The following MYCBP2 variants were observed in gnomAD, a reference collection of about 807,000 sequenced individuals.
MYCBP2 encodes MYC binding protein 2.
Under a neutral mutation model 525.3 loss-of-function variants are expected in MYCBP2, and 120 were observed. The observed-to-expected ratio is 0.23, with a 90% CI of 0.20 to 0.27. MYCBP2 has a LOEUF of 0.27. Among genes scored for constraint, MYCBP2 ranks in the 10% least tolerant of loss-of-function variants. MYCBP2 has a pLI of 1.00. For synonymous variants in MYCBP2, 1,894 were observed against 1,955.8 expected, an observed-to-expected ratio of 0.97 and a Z score of 0.83; for missense variants, 4,149 against 5,657.1, an observed-to-expected ratio of 0.73 and a Z score of 8.55.
chr13:77,160,235 G>A (rs1358558527), intron 44 of MYCBP2, among the ~76,000 whole-genome samples: 1 of 152,008 alleles, frequency 6.6e-6, no homozygotes, highest in Non-Finnish European at 1.5e-5. Context: ...CCCAGCTAAT[G>A]AGACGGGGTT....
chr13:77,108,664 C>T (rs1218952907), intron 55 of MYCBP2, among the ~76,000 whole-genome samples: 1 of 152,012 alleles, frequency 6.6e-6, no homozygotes, highest in Admixed American at 6.6e-5. Flanking sequence ...ACAGCTAAAA[C>T]CTAAACCAAA....
rs775675957 is a variant in MYCBP2, at chr13:77,261,252, C to A, written c.1771G>T (p.Gly591Cys). 2 of 1,613,666 alleles carry A rather than the reference C, an allele frequency of 1.2e-6. No individual in the cohort carries two copies. The highest frequency in any genetic ancestry group is 1.7e-6 in the Non-Finnish European group (2 of 1,179,756). Residue 591 changes from glycine (G) to cysteine (C), a missense_variant, in exon 12 of 83, where the codon GGC (glycine) becomes TGC (cysteine). By Grantham distance (159) the Gly-to-Cys change is radical. Around this residue, in one of 21 missense-constraint regions of MYCBP2, gnomAD observed 262 missense variants for 419.3 expected, o/e 0.62. Coordinates refer to ENST00000544440, the MANE Select transcript of MYCBP2 (RefSeq NM_015057.5). Reference protein sequence around the residue: ...KIVHFSVGHDGSHALLVAEDG... With the variant: ...KIVHFSVGHDCSHALLVAEDG... ...TCTGCAACTAAAAGGGCGTGAGAGC[C>A]ATCGTGTCCAACTGAGAAGTGTACT...
At chr13:77,187,220 C>A (rs995950570) in intron 30 of MYCBP2, among the ~76,000 whole-genome samples, 1 of 152,134 alleles carries the variant, frequency 6.6e-6, no homozygotes, top group African/African-American at 2.4e-5. Flanking sequence ...TTACCAAGCA[C>A]AGAAAAGTGA....
intron 58 of MYCBP2, 34 bp from the exon 59 acceptor site, chr13:77,093,366 G>A: frequency 6.3e-7 from 1 of 1,592,728 alleles, no homozygotes; most frequent in Non-Finnish European, 8.6e-7. Flanking sequence ...CTTAAAGCAT[G>A]ATGGCAATAC....
chr13:77,247,996 T>TG (rs1003996622), intron 15 of MYCBP2, among the ~76,000 whole-genome samples: 1 of 148,454 alleles, frequency 6.7e-6, no homozygotes, highest in Non-Finnish European at 1.5e-5. Flanking sequence ...TGTTGTGGGG[T>TG]GGGGGAAGCG....
At chr13:77,307,884 A>G (rs2079665544) in intron 1 of MYCBP2, among the ~76,000 whole-genome samples, 1 of 152,058 alleles carries the variant, frequency 6.6e-6, no homozygotes, top group Admixed American at 6.5e-5. Context: ...TCTACCTCTG[A>G]TGGTGGTTCC....
At position 77,051,817 on chromosome 13, in the gene MYCBP2, C is replaced by G. The variant is rs144762909; in HGVS notation, c.13749G>C (p.Arg4583Ser). 6.2e-7 allele frequency: 1 copy of G among 1,612,988 alleles called. No homozygotes were observed. The highest frequency in any genetic ancestry group is 1.3e-5 in the African/African-American group (1 of 74,938). ...AATAAAATGTTCTGCCTACCTGAGC[C>G]CTGGAAACATCAGAACAGGCACCAC... is the stretch of plus-strand genomic sequence containing the variant. ...LICGACSDVSRAQMCPKHGTD... is the reference protein window; with the variant it reads ...LICGACSDVSSAQMCPKHGTD... Residue 4583 changes from arginine to serine, a missense_variant, in exon 81 of 83, where the codon AGG becomes AGC. By Grantham distance (110) the Arg-to-Ser change is moderately radical. Transcript: ENST00000544440.
At chr13:77,298,667 A>T (rs1230375969) in intron 1 of MYCBP2, among the ~76,000 whole-genome samples, 2 of 152,232 alleles carry the variant, frequency 1.3e-5, no homozygotes, top group Non-Finnish European at 2.9e-5. Context: ...CATTTAAAGC[A>T]TCTCTAGCCA....
chr13:77,168,793 A>C, intron 39 of MYCBP2, 147 bp from the exon 40 acceptor site: 3 of 657,862 alleles, frequency 4.6e-6, no homozygotes, highest in Non-Finnish European at 7.7e-6. Context: ...GAAATCTTTC[A>C]ATTGATTAAA....
intron 10 of MYCBP2, among the ~76,000 whole-genome samples, chr13:77,263,362 C>T (rs541885801): frequency 1.6e-3 from 236 of 152,050 alleles, no homozygotes; most frequent in African/African-American, 5.4e-3. Context: ...CACCAATATC[C>T]ATCCATAATT....
intron 29 of MYCBP2, 31 bp downstream of exon 29, chr13:77,190,221 C>A: frequency 7.4e-7 from 1 of 1,360,054 alleles, no homozygotes; most frequent in South Asian, 1.4e-5. Context: ...AATAATAAAC[C>A]ATACTAATTC....
At chr13:77,170,138 A>G (rs2058993251) in intron 38 of MYCBP2, among the ~76,000 whole-genome samples, 1 of 152,194 alleles carries the variant, frequency 6.6e-6, no homozygotes, top group Non-Finnish European at 1.5e-5. Flanking sequence ...TAGGTTCACA[A>G]CAGTATTCCT....
intron 75 of MYCBP2, 90 bp downstream of exon 75, chr13:77,061,572 C>T: frequency 6.9e-7 from 1 of 1,450,970 alleles, no homozygotes; most frequent in Non-Finnish European, 9.2e-7. Context: ...CCAAAGTCCA[C>T]TTTTTCCCCC....
At chr13:77,219,092 A>C (rs2065200250) in intron 20 of MYCBP2, among the ~76,000 whole-genome samples, 1 of 152,050 alleles carries the variant, frequency 6.6e-6, no homozygotes, top group Non-Finnish European at 1.5e-5. Flanking sequence ...ATCTAGGAAG[A>C]CTCTTTGAGA....
At chr13:77,074,180 T>C (rs1041312935) in intron 68 of MYCBP2, among the ~76,000 whole-genome samples, 13 of 152,100 alleles carry the variant, frequency 8.5e-5, no homozygotes, top group African/African-American at 1.2e-4. Context: ...TGGAGCAGAA[T>C]AGAGTCCAGA....
intron 26 of MYCBP2, among the ~76,000 whole-genome samples, chr13:77,202,881 C>G (rs1433907016): frequency 3.3e-5 from 5 of 152,058 alleles, no homozygotes; most frequent in Admixed American, 6.6e-5. Flanking sequence ...ATTAGGTATT[C>G]ATGGGACATA....
chr13:77,297,208 C>T (rs2078285814), intron 1 of MYCBP2, among the ~76,000 whole-genome samples: 1 of 152,028 alleles, frequency 6.6e-6, no homozygotes, highest in South Asian at 2.1e-4. Flanking sequence ...CCCTGAATAA[C>T]TTTTGAGAAA....
chr13:77,176,051 A>G (rs1046051820), intron 36 of MYCBP2, among the ~76,000 whole-genome samples: 2 of 151,624 alleles, frequency 1.3e-5, no homozygotes, highest in African/African-American at 4.8e-5. Flanking sequence ...TTAGGGCACA[A>G]TAAGAGAAGA....
intron 26 of MYCBP2, among the ~76,000 whole-genome samples, chr13:77,197,544 C>T (rs990772294): frequency 6.6e-6 from 1 of 152,122 alleles, no homozygotes; most frequent in East Asian, 1.9e-4. Flanking sequence ...GTTGGAGATA[C>T]AAATTTGGGG....
Sources: allele counts gnomAD v4.1 joint callset (sites outside exome capture counted in the v4.1 genomes callset), GRCh38; gene constraint gnomAD v4.1.1; regional missense constraint gnomAD v4.1.1; transcripts MANE v1.5; gene names NCBI Gene and HGNC (gene_info 2026-07-23, HGNC 2026-07-21).